Variants in NUBPL observed in about 807,000 individuals in gnomAD.
The protein encoded by NUBPL is iron-sulfur cluster transfer protein NUBPL.
Under a neutral mutation model 45.7 loss-of-function variants are expected in NUBPL, and 31 were observed. The ratio of observed to expected loss-of-function variants is 0.68; its 90% CI spans 0.51 to 0.92. The LOEUF (loss-of-function observed/expected upper bound fraction) is 0.92, where lower values mean the gene tolerates loss of function less well. Ranked by LOEUF, NUBPL falls within the 40% of genes least tolerant of loss-of-function variation. The pLI, the probability that NUBPL is intolerant of heterozygous loss-of-function variation, is 0.00. For synonymous variants in NUBPL, 144 were observed against 140.9 expected (o/e 1.02, Z -0.15); for missense variants, 401 against 398.7 (o/e 1.01, Z -0.05).
chr14:31,787,582 T>G (rs906094335), intron 6 of NUBPL, among the ~76,000 whole-genome samples, 198 bp from the exon 7 acceptor site: 1 of 152,222 alleles, frequency 6.6e-6, no homozygotes, highest in African/African-American at 2.4e-5. Flanking sequence ...AACTTGCCAT[T>G]CAAAGAAGGC....
chr14:31,774,538 C>A (rs1474881948), intron 6 of NUBPL, among the ~76,000 whole-genome samples: 2 of 152,162 alleles, frequency 1.3e-5, no homozygotes, highest in African/African-American at 2.4e-5. Context: ...GACCCGAGTT[C>A]TTTTCCTATT....
intron 4 of NUBPL, among the ~76,000 whole-genome samples, chr14:31,665,015 G>A (rs1328207674): frequency 3.9e-5 from 6 of 152,152 alleles, no homozygotes; most frequent in Admixed American, 2.0e-4. Context: ...TTGCGTAGAG[G>A]TGTTTATAGT....
At chr14:31,696,121 A>G (rs1362724232) in intron 6 of NUBPL, among the ~76,000 whole-genome samples, 7 of 152,220 alleles carry the variant, frequency 4.6e-5, no homozygotes, top group Non-Finnish European at 1.0e-4. Context: ...TAGCAATTTG[A>G]AAAGCTGGGA....
chr14:31,778,838 A>C (rs976180583), intron 6 of NUBPL, among the ~76,000 whole-genome samples: 1 of 152,184 alleles, frequency 6.6e-6, no homozygotes, highest in East Asian at 1.9e-4. Flanking sequence ...ATTGTGGACA[A>C]ATTTTACACA....
At chr14:31,852,134 C>G (rs1442573443) in intron 10 of NUBPL, among the ~76,000 whole-genome samples, 2 of 152,194 alleles carry the variant, frequency 1.3e-5, no homozygotes, top group African/African-American at 4.8e-5. Flanking sequence ...TCTAACCTCT[C>G]TGAACCTTTC....
intron 6 of NUBPL, among the ~76,000 whole-genome samples, chr14:31,725,334 G>T (rs1409306570): frequency 6.6e-6 from 1 of 152,124 alleles, no homozygotes; most frequent in Non-Finnish European, 1.5e-5. Flanking sequence ...TTTGTTAATT[G>T]CTATCCATTA....
At chr14:31,715,516 T>C (rs2037667757) in intron 6 of NUBPL, among the ~76,000 whole-genome samples, 1 of 152,160 alleles carries the variant, frequency 6.6e-6, no homozygotes, top group Non-Finnish European at 1.5e-5. Flanking sequence ...GGCTACAAAA[T>C]TGAACAGCAT....
At chr14:31,701,663 T>G (rs1215958622) in intron 6 of NUBPL, among the ~76,000 whole-genome samples, 1 of 152,096 alleles carries the variant, frequency 6.6e-6, no homozygotes, top group Non-Finnish European at 1.5e-5. Context: ...GTGCCACCTT[T>G]AAGAGCTGTA....
At chr14:31,844,977 TC>T (rs2040429795) in intron 8 of NUBPL, 1 of 152,292 alleles carries the variant, frequency 6.6e-6, no homozygotes, top group Admixed American at 6.5e-5. Flanking sequence ...TTCTTAAGTA[TC>T]ATCTTCCCTC....
chr14:31,711,134 G>A (rs8020055), intron 6 of NUBPL, among the ~76,000 whole-genome samples: 44,883 of 152,028 alleles, frequency 0.3, 7,491 homozygotes, highest in South Asian at 0.41. Context: ...TGCCTTTGAG[G>A]GTTCCGCTCA....
At position 31,659,408 on chromosome 14, in the gene NUBPL, A is replaced by G. The variant is rs568088987; in HGVS notation, c.383-13947A>G. Among the ~76,000 whole-genome samples the G allele has an allele frequency of 2.0e-3, 308 of 152,314 alleles. 2 individuals are homozygous for G. The highest frequency in any genetic ancestry group is 3.6e-3 in the Non-Finnish European group (247 of 68,020). ...CCTGGTTTTAGTAGGGAAGAATGCT[A>G]TGATCAATTACTGGTGACAAGGCAC... On this transcript the variant is annotated intron_variant, in intron 4 of 10. Coordinates refer to ENST00000281081, the MANE Select transcript of NUBPL (RefSeq NM_025152.3).
chr14:31,564,765 T>C (rs1181336113), intron 2 of NUBPL, among the ~76,000 whole-genome samples: 1 of 152,184 alleles, frequency 6.6e-6, no homozygotes, highest in Non-Finnish European at 1.5e-5. Flanking sequence ...ATGTTAGTTT[T>C]GGGACATGCA....
intron 4 of NUBPL, among the ~76,000 whole-genome samples, chr14:31,662,453 A>T (rs1203794056): frequency 2.0e-5 from 3 of 151,918 alleles, no homozygotes; most frequent in Non-Finnish European, 4.4e-5. Flanking sequence ...ATCTATCCTA[A>T]TGTTATCCCT....
At chr14:31,593,537 A>AAG (rs1313077171) in intron 3 of NUBPL, among the ~76,000 whole-genome samples, 7 of 147,482 alleles carry the variant, frequency 4.7e-5, no homozygotes, top group Non-Finnish European at 1.1e-4. Flanking sequence ...AAAAAAAAAA[A>AAG]GAGTGAGGGT....
At chr14:31,668,564 G>T (rs1054549070) in intron 4 of NUBPL, among the ~76,000 whole-genome samples, 8 of 152,142 alleles carry the variant, frequency 5.3e-5, no homozygotes, top group African/African-American at 1.9e-4. Flanking sequence ...GGGAGTGAAC[G>T]GTTCTGTCAC....
At chr14:31,620,632 C>A (rs1428113856) in intron 4 of NUBPL, among the ~76,000 whole-genome samples, 2 of 152,220 alleles carry the variant, frequency 1.3e-5, no homozygotes, top group African/African-American at 4.8e-5. Context: ...GCAAAGATTC[C>A]TGCATGTTTC....
intron 8 of NUBPL, among the ~76,000 whole-genome samples, chr14:31,828,636 C>G (rs1283139141): frequency 6.6e-6 from 1 of 152,106 alleles, no homozygotes; most frequent in African/African-American, 2.4e-5. Flanking sequence ...TATCAAAATA[C>G]CATTTCAACT....
chr14:31,644,166 T>C (rs1446837776), intron 4 of NUBPL, among the ~76,000 whole-genome samples: 3 of 152,062 alleles, frequency 2.0e-5, no homozygotes, highest in Non-Finnish European at 4.4e-5. Flanking sequence ...ATCTTTATTA[T>C]TTCTTCCCTT....
chr14:31,748,004 T>C (rs2038438380), intron 6 of NUBPL, among the ~76,000 whole-genome samples: 1 of 152,158 alleles, frequency 6.6e-6, no homozygotes, highest in Non-Finnish European at 1.5e-5. Flanking sequence ...TTGTATTTTT[T>C]TGTATTTGTT....
Sources: allele counts gnomAD v4.1 joint callset (sites outside exome capture counted in the v4.1 genomes callset), GRCh38; gene constraint gnomAD v4.1.1; transcripts MANE v1.5; gene names NCBI Gene and HGNC (gene_info 2026-07-23, HGNC 2026-07-21).